CDH12: variants seen among roughly 807,000 people sequenced by gnomAD.
CDH12 encodes cadherin-12.
A neutral mutation model predicts 74.1 loss-of-function variants in CDH12; 41 were observed. That is an observed-to-expected ratio of 0.55 (90% CI 0.43 to 0.72). The LOEUF is 0.72. CDH12 is among the 30% of genes least tolerant of loss of function. The pLI is 0.00. For missense variants in CDH12, 945 were observed against 977.2 expected (o/e 0.97, Z 0.44); for synonymous variants, 399 against 355.0 (o/e 1.12, Z -1.39).
chr5:22,733,029 G>T (rs1744511966), intron 1 of CDH12, among the ~76,000 whole-genome samples: 1 of 151,958 alleles, frequency 6.6e-6, no homozygotes, highest in Admixed American at 6.6e-5. Context: ...AATAATGTGT[G>T]TGATTAGGTG....
intron 1 of CDH12, among the ~76,000 whole-genome samples, chr5:22,511,578 A>T (rs1736611494): frequency 6.6e-6 from 1 of 152,234 alleles, no homozygotes; most frequent in Non-Finnish European, 1.5e-5. Context: ...TAATGTCTGA[A>T]ATTATCAATA....
At chr5:22,496,831 T>G (rs1747121986) in intron 2 of CDH12, among the ~76,000 whole-genome samples, 1 of 152,208 alleles carries the variant, frequency 6.6e-6, no homozygotes, top group Admixed American at 6.5e-5. Flanking sequence ...TTTATTTTTC[T>G]TCATTCCTCT....
intron 3 of CDH12, among the ~76,000 whole-genome samples, chr5:22,262,010 C>T (rs1753532626): frequency 6.6e-6 from 1 of 152,014 alleles, no homozygotes. Context: ...CGATACAAAT[C>T]TCAGAAATGT....
In CDH12 at chr5:22,813,805, T is replaced by C. The variant is rs1749261291; in HGVS notation, c.-523+39253A>G. Among the ~76,000 whole-genome samples, 9 of 152,228 alleles carry C rather than the reference T, an allele frequency of 5.9e-5. No individual in the cohort carries two copies. In the South Asian group the frequency reaches 1.9e-3, roughly 32 times the overall value. The stretch of plus-strand genomic sequence containing the variant: ...TGCTGACCACATTGTGAACTTAGAA[T>C]TGGAATCTTCCCTGGTCGAGCCTCA... On this transcript the variant is annotated intron_variant, in intron 1 of 14. Coordinates refer to ENST00000382254, the MANE Select transcript of CDH12 (RefSeq NM_004061.5).
chr5:22,578,314 C>A (rs561540099), intron 1 of CDH12, among the ~76,000 whole-genome samples: 1 of 150,930 alleles, frequency 6.6e-6, no homozygotes, highest in Non-Finnish European at 1.5e-5. Flanking sequence ...TATAAAATTG[C>A]GTCTAAATCT....
At chr5:22,833,863 T>C (rs546439285) in intron 1 of CDH12, among the ~76,000 whole-genome samples, 3 of 152,284 alleles carry the variant, frequency 2.0e-5, no homozygotes, top group African/African-American at 7.2e-5. Context: ...CACATGGTTA[T>C]TTTCTAAATC....
chr5:22,841,182 G>A (rs976774294), intron 1 of CDH12, among the ~76,000 whole-genome samples: 4 of 152,258 alleles, frequency 2.6e-5, no homozygotes, highest in East Asian at 1.9e-4. Flanking sequence ...TTACTACTAC[G>A]GGAGTCATGG....
intron 1 of CDH12, among the ~76,000 whole-genome samples, chr5:22,519,389 C>CA (rs1736947798): frequency 6.6e-6 from 1 of 151,052 alleles, no homozygotes; most frequent in Non-Finnish European, 1.5e-5. Flanking sequence ...TGCCAACATT[C>CA]AACTCCAATT....
At chr5:22,827,873 C>A (rs1736412741) in intron 1 of CDH12, among the ~76,000 whole-genome samples, 1 of 151,928 alleles carries the variant, frequency 6.6e-6, no homozygotes, top group Non-Finnish European at 1.5e-5. Flanking sequence ...ATTAATAATA[C>A]TAATTTTATT....
At chr5:22,382,168 T>G (rs1379663601) in intron 3 of CDH12, among the ~76,000 whole-genome samples, 1 of 145,712 alleles carries the variant, frequency 6.9e-6, no homozygotes, top group Non-Finnish European at 1.5e-5. Context: ...TACTATTTTA[T>G]TATATATTTA....
chr5:22,775,424 G>C (rs1018283114), intron 1 of CDH12, among the ~76,000 whole-genome samples: 1 of 151,956 alleles, frequency 6.6e-6, no homozygotes, highest in Non-Finnish European at 1.5e-5. Context: ...AGAAGCCTGG[G>C]TCTGTCATGC....
At chr5:21,996,451 T>C (rs1019857283) in intron 5 of CDH12, among the ~76,000 whole-genome samples, 3 of 152,194 alleles carry the variant, frequency 2.0e-5, no homozygotes, top group African/African-American at 7.2e-5. Context: ...TTAGAGAACA[T>C]TGTTTCAATT....
intron 3 of CDH12, among the ~76,000 whole-genome samples, chr5:22,245,616 T>C (rs943047481): frequency 6.6e-6 from 1 of 151,854 alleles, no homozygotes; most frequent in South Asian, 2.1e-4. Flanking sequence ...CTTAAATATA[T>C]ATGTGATATA....
intron 4 of CDH12, among the ~76,000 whole-genome samples, chr5:22,146,930 G>A (rs552686147): frequency 6.6e-6 from 1 of 151,592 alleles, no homozygotes; most frequent in South Asian, 2.1e-4. Flanking sequence ...ACATGAAATA[G>A]GATCAGCTTA....
chr5:22,199,471 G>A (rs1164365432), intron 4 of CDH12, among the ~76,000 whole-genome samples: 1 of 152,188 alleles, frequency 6.6e-6, no homozygotes, highest in Non-Finnish European at 1.5e-5. Context: ...AAAAGAATCA[G>A]TGTGAAGCAT....
chr5:22,402,061 A>G (rs554812221), intron 3 of CDH12, among the ~76,000 whole-genome samples: 3 of 152,266 alleles, frequency 2.0e-5, no homozygotes, highest in South Asian at 2.1e-4. Context: ...AAATCACCCA[A>G]TGTGTGGCCA....
intron 1 of CDH12, among the ~76,000 whole-genome samples, chr5:22,701,240 A>T (rs986552461): frequency 3.3e-5 from 5 of 151,966 alleles, no homozygotes; most frequent in African/African-American, 1.2e-4. Context: ...ATCTACTATT[A>T]CTCTCTAAGT....
At chr5:22,551,820 C>G (rs915166579) in intron 1 of CDH12, among the ~76,000 whole-genome samples, 2 of 152,046 alleles carry the variant, frequency 1.3e-5, no homozygotes, top group Non-Finnish European at 2.9e-5. Context: ...CATTTGAGGT[C>G]AAAGCTATAC....
chr5:22,705,811 T>A (rs974985736), intron 1 of CDH12, among the ~76,000 whole-genome samples: 1 of 152,086 alleles, frequency 6.6e-6, no homozygotes, highest in African/African-American at 2.4e-5. Context: ...TGCTTTTATG[T>A]GTTTGTTAAT....
Sources: allele counts gnomAD v4.1 joint callset (sites outside exome capture counted in the v4.1 genomes callset), GRCh38; gene constraint gnomAD v4.1.1; transcripts MANE v1.5; gene names NCBI Gene and HGNC (gene_info 2026-07-23, HGNC 2026-07-21).